The following SRGAP1 variants were observed in gnomAD, a reference collection of about 807,000 sequenced individuals.
SRGAP1 encodes SLIT-ROBO Rho GTPase activating protein 1, also known as SLIT-ROBO Rho GTPase-activating protein 1.
In SRGAP1, 43 loss-of-function variants were observed where a neutral mutation model predicts 121.9. That is an observed-to-expected ratio of 0.35 (90% CI 0.28 to 0.46). The LOEUF (loss-of-function observed/expected upper bound fraction) is 0.46, where lower values mean the gene tolerates loss of function less well. Ranked by LOEUF, SRGAP1 falls within the 20% of genes least tolerant of loss-of-function variation. SRGAP1 has a pLI of 1.00. For missense variants in SRGAP1, 1,102 were observed against 1,350.9 expected, an observed-to-expected ratio of 0.82 and a Z score of 2.89; for synonymous variants, 447 against 485.4, an observed-to-expected ratio of 0.92 and a Z score of 1.04.
intron 8 of SRGAP1, among the ~76,000 whole-genome samples, chr12:64,072,108 C>CTGTGTGTGTGTGTGTGTG (rs66959510): frequency 1.0e-3 from 83 of 80,422 alleles, no homozygotes; most frequent in Non-Finnish European, 1.1e-3. Flanking sequence ...CAATCTCTCT[C>CTGTGTGTGTGTGTGTGTG]TGTGTGTGTG....
At chr12:63,916,463 T>G (rs2030783072) in intron 1 of SRGAP1, among the ~76,000 whole-genome samples, 1 of 152,190 alleles carries the variant, frequency 6.6e-6, no homozygotes, top group Non-Finnish European at 1.5e-5. Context: ...TAGTAAACAT[T>G]TATTACTTGT....
chr12:64,138,134 A>G (rs2036889213), intron 21 of SRGAP1, among the ~76,000 whole-genome samples: 1 of 152,012 alleles, frequency 6.6e-6, no homozygotes, highest in African/African-American at 2.4e-5. Context: ...ACCCTCCTCC[A>G]GTCCCTGACA....
At chr12:63,928,544 A>T (rs2031346611) in intron 1 of SRGAP1, among the ~76,000 whole-genome samples, 1 of 152,200 alleles carries the variant, frequency 6.6e-6, no homozygotes, top group Non-Finnish European at 1.5e-5. Context: ...AGATAAGCTC[A>T]AAACCATGAA....
chr12:64,141,581 G>C (rs116509070), intron 21 of SRGAP1, among the ~76,000 whole-genome samples: 4,132 of 151,974 alleles, frequency 0.027, 169 homozygotes, highest in African/African-American at 0.091. Flanking sequence ...CTGCATCTTG[G>C]GGGGGGAAAA....
At chr12:63,980,014 A>G (rs764248193) in intron 1 of SRGAP1, among the ~76,000 whole-genome samples, 2 of 152,224 alleles carry the variant, frequency 1.3e-5, no homozygotes, top group Non-Finnish European at 2.9e-5. Flanking sequence ...GGCAGGATTC[A>G]TGCAGTGTGG....
intron 17 of SRGAP1, among the ~76,000 whole-genome samples, chr12:64,113,774 C>T (rs2036471683): frequency 6.6e-6 from 1 of 152,172 alleles, no homozygotes; most frequent in Non-Finnish European, 1.5e-5. Flanking sequence ...GCCAAGGAGC[C>T]TTCCAATGAT....
chr12:63,966,694 A>G (rs1354435418), intron 1 of SRGAP1, among the ~76,000 whole-genome samples: 1 of 152,192 alleles, frequency 6.6e-6, no homozygotes, highest in Admixed American at 6.5e-5. Context: ...AAAAGACAGC[A>G]TAGGAAAACA....
intron 3 of SRGAP1, among the ~76,000 whole-genome samples, chr12:64,006,328 G>A (rs1391224497): frequency 6.6e-6 from 1 of 152,200 alleles, no homozygotes; most frequent in Non-Finnish European, 1.5e-5. Context: ...ACAGCAATGA[G>A]TTTTAAAGAT....
At chr12:64,115,057 T>C (rs1026514447) in intron 17 of SRGAP1, among the ~76,000 whole-genome samples, 3 of 152,270 alleles carry the variant, frequency 2.0e-5, no homozygotes, top group Admixed American at 1.3e-4. Flanking sequence ...ATGATTCTCA[T>C]ACAGATATGC....
At chr12:64,028,461 T>A (rs1241083842) in intron 4 of SRGAP1, among the ~76,000 whole-genome samples, 1 of 152,252 alleles carries the variant, frequency 6.6e-6, no homozygotes, top group Non-Finnish European at 1.5e-5. Flanking sequence ...GAGCACTGGA[T>A]AGGCTATAGC....
intron 21 of SRGAP1, among the ~76,000 whole-genome samples, chr12:64,137,919 C>A: frequency 6.8e-6 from 1 of 147,004 alleles, no homozygotes; most frequent in South Asian, 2.2e-4. Flanking sequence ...CCATCTCACA[C>A]AACACTCTGC....
intron 1 of SRGAP1, chr12:63,871,883 C>G (rs1369571322): frequency 3.4e-6 from 5 of 1,478,016 alleles, no homozygotes; most frequent in Non-Finnish European, 4.7e-6. Context: ...TGGTCTTAGC[C>G]TTCTTCCAGA....
At chr12:64,049,449 G>C (rs1304514134) in intron 6 of SRGAP1, among the ~76,000 whole-genome samples, 2 of 152,220 alleles carry the variant, frequency 1.3e-5, no homozygotes, top group African/African-American at 4.8e-5. Flanking sequence ...GCACGAAAGA[G>C]ATGTGCCAAG....
chr12:64,075,305 C>T (rs1042546243), intron 8 of SRGAP1, among the ~76,000 whole-genome samples: 1 of 152,236 alleles, frequency 6.6e-6, no homozygotes. Flanking sequence ...CCTTAAGGCA[C>T]AGATCGCTCA....
chr12:64,104,790 C>T (rs1300050844), intron 15 of SRGAP1, among the ~76,000 whole-genome samples: 1 of 152,126 alleles, frequency 6.6e-6, no homozygotes, highest in African/African-American at 2.4e-5. Context: ...ACATCTGCCT[C>T]ATATAACTTT....
chr12:63,888,240 G>C (rs547534543), intron 1 of SRGAP1: 1 of 152,290 alleles, frequency 6.6e-6, no homozygotes, highest in South Asian at 2.1e-4. Flanking sequence ...CTTTCACACA[G>C]CTTCCTCCGG....
At chr12:64,095,672 A>C (rs901041474) in intron 14 of SRGAP1, among the ~76,000 whole-genome samples, 2 of 152,194 alleles carry the variant, frequency 1.3e-5, no homozygotes, top group East Asian at 3.9e-4. Context: ...AAGTTCTACT[A>C]AACTGGGTCA....
chr12:63,869,623 C>G (rs144909588), intron 1 of SRGAP1, among the ~76,000 whole-genome samples: 272 of 152,278 alleles, frequency 1.8e-3, no homozygotes, highest in African/African-American at 6.2e-3. Flanking sequence ...TATAAGTATT[C>G]ACTATGTCAT....
At chr12:64,137,389 C>A (rs1444809760) in intron 21 of SRGAP1, among the ~76,000 whole-genome samples, 1 of 151,888 alleles carries the variant, frequency 6.6e-6, no homozygotes, top group Non-Finnish European at 1.5e-5. Context: ...AAATGGAAAT[C>A]ACATATGAAA....
Sources: allele counts gnomAD v4.1 joint callset (sites outside exome capture counted in the v4.1 genomes callset), GRCh38; gene constraint gnomAD v4.1.1; transcripts MANE v1.5; gene names NCBI Gene and HGNC (gene_info 2026-07-23, HGNC 2026-07-21).